The following PTPRT variants were observed in gnomAD, a reference collection of about 807,000 sequenced individuals.
PTPRT encodes protein tyrosine phosphatase receptor type T.
Under a neutral mutation model 176.8 loss-of-function variants are expected in PTPRT, and 56 were observed. That is an observed-to-expected ratio of 0.32 (90% CI 0.26 to 0.40). PTPRT has a LOEUF of 0.40. Among genes scored for constraint, PTPRT ranks in the 10% least tolerant of loss-of-function variants. PTPRT has a pLI of 1.00. For synonymous variants in PTPRT, 783 were observed against 739.0 expected (o/e 1.06, Z -0.96); for missense variants, 1,540 against 1,908.2 (o/e 0.81, Z 3.60).
At chr20:42,652,883 C>T (rs897415650) in intron 7 of PTPRT, among the ~76,000 whole-genome samples, 1 of 152,142 alleles carries the variant, frequency 6.6e-6, no homozygotes, top group African/African-American at 2.4e-5. Flanking sequence ...AGGCAAATTT[C>T]CCAGCATTCT....
intron 1 of PTPRT, among the ~76,000 whole-genome samples, chr20:43,016,446 C>A (rs930826008): frequency 2.0e-5 from 3 of 151,844 alleles, no homozygotes; most frequent in Non-Finnish European, 4.4e-5. Flanking sequence ...CCTTTCCCTG[C>A]CTGCATCAGC....
At chr20:42,987,132 G>T (rs1033667978) in intron 1 of PTPRT, among the ~76,000 whole-genome samples, 2 of 151,754 alleles carry the variant, frequency 1.3e-5, no homozygotes, top group Non-Finnish European at 2.9e-5. Context: ...GCCTCCCTCT[G>T]TTGTTTCCAC....
intron 12 of PTPRT, among the ~76,000 whole-genome samples, chr20:42,284,700 C>T (rs897300553): frequency 5.3e-5 from 8 of 151,930 alleles, no homozygotes; most frequent in African/African-American, 1.9e-4. Context: ...CCAATCAGTG[C>T]AAAGACTGTC....
chr20:42,990,071 C>T (rs564425006), intron 1 of PTPRT, among the ~76,000 whole-genome samples: 4 of 152,276 alleles, frequency 2.6e-5, no homozygotes, highest in South Asian at 2.1e-4. Context: ...TATCATGACA[C>T]GCACAAAACA....
At chr20:43,043,231 C>T (rs2425561) in intron 1 of PTPRT, among the ~76,000 whole-genome samples, 48,337 of 151,990 alleles carry the variant, frequency 0.32, 10,648 homozygotes, top group African/African-American at 0.62. Flanking sequence ...GGCTAGCAAA[C>T]GACGCCCTCC....
intron 8 of PTPRT, among the ~76,000 whole-genome samples, chr20:42,462,709 G>C (rs1485176894): frequency 6.6e-6 from 1 of 152,120 alleles, no homozygotes; most frequent in Non-Finnish European, 1.5e-5. Flanking sequence ...GGAAATTTTG[G>C]ATAGAGCTCT....
At chr20:42,430,732 G>A (rs2059209418) in intron 9 of PTPRT, among the ~76,000 whole-genome samples, 1 of 152,196 alleles carries the variant, frequency 6.6e-6, no homozygotes, top group South Asian at 2.1e-4. Flanking sequence ...AGGAATTGAT[G>A]AGGCAAGAGT....
At chr20:42,363,818 G>T (rs1489180119) in intron 9 of PTPRT, among the ~76,000 whole-genome samples, 1 of 152,098 alleles carries the variant, frequency 6.6e-6, no homozygotes, top group Non-Finnish European at 1.5e-5. Flanking sequence ...AAGAGGCAGA[G>T]GCAGGCTTGG....
the PTPRT span, among the ~76,000 whole-genome samples, chr20:42,065,430 G>A: frequency 1.3e-5 from 2 of 152,156 alleles, no homozygotes; most frequent in African/African-American, 2.4e-5. Flanking sequence ...GCATTTTGTA[G>A]TAATAACTCT....
intron 11 of PTPRT, among the ~76,000 whole-genome samples, chr20:42,322,518 CCTCT>C (rs1307144388): frequency 2.8e-5 from 3 of 107,066 alleles, no homozygotes; most frequent in African/African-American, 2.2e-4. Flanking sequence ...GAAAGGATTC[CCTCT>C]CTAATAAATG....
intron 7 of PTPRT, among the ~76,000 whole-genome samples, chr20:42,485,911 G>C (rs528913631): frequency 6.6e-6 from 1 of 152,146 alleles, no homozygotes; most frequent in Non-Finnish European, 1.5e-5. Context: ...ATTTTCTGTC[G>C]AATCTCATTT....
At chr20:42,395,443 T>C (rs1792436429) in intron 9 of PTPRT, among the ~76,000 whole-genome samples, 1 of 152,220 alleles carries the variant, frequency 6.6e-6, no homozygotes, top group Non-Finnish European at 1.5e-5. Flanking sequence ...TCCATCCTCT[T>C]TGGGGCTTTT....
chr20:42,391,032 C>A (rs2058794928), intron 9 of PTPRT, among the ~76,000 whole-genome samples: 1 of 152,038 alleles, frequency 6.6e-6, no homozygotes, highest in South Asian at 2.1e-4. Context: ...ATAATATCTA[C>A]TTTTAAGGGC....
chr20:42,557,559 C>T (rs2072881402), intron 7 of PTPRT, among the ~76,000 whole-genome samples: 1 of 152,134 alleles, frequency 6.6e-6, no homozygotes, highest in South Asian at 2.1e-4. Context: ...TACCAGAGGT[C>T]AAACTATTAG....
At chr20:42,292,613 C>A (rs1438360320) in intron 12 of PTPRT, among the ~76,000 whole-genome samples, 2 of 152,144 alleles carry the variant, frequency 1.3e-5, no homozygotes, top group Non-Finnish European at 2.9e-5. Flanking sequence ...AAGTGGCCTT[C>A]TTTTCTGAGG....
chr20:42,531,602 C>T (rs2072386131), intron 7 of PTPRT, among the ~76,000 whole-genome samples: 2 of 152,144 alleles, frequency 1.3e-5, no homozygotes, highest in Admixed American at 1.3e-4. Context: ...TGGGGTATAG[C>T]CAACCTTGAG....
At chr20:42,876,164 A>AT (rs369724360) in intron 2 of PTPRT, among the ~76,000 whole-genome samples, 1 of 152,166 alleles carries the variant, frequency 6.6e-6, no homozygotes, top group East Asian at 1.9e-4. Flanking sequence ...CAAACTCAGC[A>AT]TTTTTTAAGA....
intron 7 of PTPRT, among the ~76,000 whole-genome samples, chr20:42,638,472 T>C (rs34532647): frequency 0.1 from 15,837 of 152,152 alleles, 1,038 homozygotes; most frequent in Middle Eastern, 0.16. Context: ...ATGGATAGAA[T>C]ATATGACTCA....
At chr20:42,938,761 T>C (rs1434820193) in intron 1 of PTPRT, among the ~76,000 whole-genome samples, 2 of 152,354 alleles carry the variant, frequency 1.3e-5, no homozygotes, top group Non-Finnish European at 1.5e-5. Flanking sequence ...TGAAAGTCTA[T>C]AGTGTTTCAA....
Sources: allele counts gnomAD v4.1 joint callset (sites outside exome capture counted in the v4.1 genomes callset), GRCh38; gene constraint gnomAD v4.1.1; transcripts MANE v1.5; gene names NCBI Gene and HGNC (gene_info 2026-07-23, HGNC 2026-07-21).